ROBO2: variants seen among roughly 807,000 people sequenced by gnomAD.
ROBO2 encodes roundabout homolog 2.
In ROBO2, 53 loss-of-function variants were observed where a neutral mutation model predicts 160.8. The observed-to-expected ratio is 0.33, with a 90% confidence interval of 0.26 to 0.41. The LOEUF is 0.41. Ranked by LOEUF, ROBO2 falls within the 10% of genes least tolerant of loss-of-function variation. ROBO2 has a pLI of 1.00. For synonymous variants in ROBO2, 664 were observed against 611.7 expected (o/e 1.09, Z -1.26); for missense variants, 1,577 against 1,722.4 (o/e 0.92, Z 1.49).
intron 2 of ROBO2, among the ~76,000 whole-genome samples, chr3:77,136,860 C>T (rs2076320734): frequency 1.3e-5 from 2 of 152,086 alleles, no homozygotes; most frequent in African/African-American, 2.4e-5. Flanking sequence ...TGGTCTCGAT[C>T]TCCTGACCTT....
At chr3:76,399,540 CCT>C (rs1472547289) in intron 2 of ROBO2, among the ~76,000 whole-genome samples, 2 of 151,588 alleles carry the variant, frequency 1.3e-5, no homozygotes, top group African/African-American at 4.8e-5. Context: ...CTGAAACACC[CCT>C]GAGGTTTCTG....
chr3:77,648,496 T>C (rs1256213107), exon 26 of ROBO2: 1 of 152,204 alleles, frequency 6.6e-6, no homozygotes, highest in African/African-American at 2.4e-5. Flanking sequence ...TAAAATTATG[T>C]CAGTGCAGAG....
At chr3:76,453,739 A>T (rs1559972822) in intron 2 of ROBO2, among the ~76,000 whole-genome samples, 1 of 152,140 alleles carries the variant, frequency 6.6e-6, no homozygotes, top group South Asian at 2.1e-4. Context: ...GCACCTTTGT[A>T]TTTTAAAAAA....
chr3:76,687,601 A>T (rs1431534311), intron 2 of ROBO2, among the ~76,000 whole-genome samples: 3 of 152,046 alleles, frequency 2.0e-5, no homozygotes, highest in Non-Finnish European at 4.4e-5. Context: ...AGACATCCTT[A>T]TGTAACAGAA....
At position 77,515,415 on chromosome 3, in the gene ROBO2, A is replaced by G. The variant is rs149884643; in HGVS notation, c.807-7360A>G. Among the ~76,000 whole-genome samples the G allele has an allele frequency of 2.0e-5, 3 of 151,848 alleles. No individual in the cohort carries two copies. The East Asian group carries it at 5.9e-4, about 30-fold the overall frequency. On this transcript the variant is annotated intron_variant, in intron 5 of 25. Transcript: ENST00000461745. Reference sequence around the variant, plus strand: ...GAAAATTCAAATCTGTATGTTAAAAATGTCCACGTTTTAAATTATGTCAAT... The same window carrying G: ...GAAAATTCAAATCTGTATGTTAAAAGTGTCCACGTTTTAAATTATGTCAAT...
At chr3:76,359,721 T>G (rs1043844990) in intron 2 of ROBO2, among the ~76,000 whole-genome samples, 2 of 152,066 alleles carry the variant, frequency 1.3e-5, no homozygotes, top group African/African-American at 2.4e-5. Flanking sequence ...TATATGTCAT[T>G]TGATTCATAT....
At chr3:77,546,820 G>A (rs2153649655) in intron 7 of ROBO2, among the ~76,000 whole-genome samples, 1 of 152,156 alleles carries the variant, frequency 6.6e-6, no homozygotes, top group South Asian at 2.1e-4. Context: ...CAGGACATAT[G>A]CAGTACTTAG....
intron 2 of ROBO2, among the ~76,000 whole-genome samples, chr3:76,272,944 A>T (rs1559706494): frequency 7.3e-5 from 2 of 27,458 alleles, no homozygotes; most frequent in Non-Finnish European, 2.6e-4. Context: ...ATAAATATAT[A>T]AAATATATAA....
intron 2 of ROBO2, among the ~76,000 whole-genome samples, chr3:76,857,783 T>G (rs2070293674): frequency 6.6e-6 from 1 of 152,190 alleles, no homozygotes; most frequent in African/African-American, 2.4e-5. Context: ...TTTTAACAGC[T>G]TCTCACGGCT....
intron 2 of ROBO2, among the ~76,000 whole-genome samples, chr3:76,555,420 AGAAGGAGAAGGG>A (rs1179531044): frequency 5.8e-5 from 4 of 69,468 alleles, no homozygotes; most frequent in African/African-American, 1.8e-4. Context: ...AGAAGAAGAA[AGAAGGAGAAGGG>A]GAAGGGGAAG....
chr3:77,538,925 T>C (rs752716348), intron 6 of ROBO2: 4 of 460,586 alleles, frequency 8.7e-6, no homozygotes, highest in Non-Finnish European at 1.3e-5. Context: ...TTTTTTTTCT[T>C]CTTTTTAGAG....
chr3:77,069,799 A>C (rs903310543), intron 1 of ROBO2, among the ~76,000 whole-genome samples: 3 of 152,176 alleles, frequency 2.0e-5, no homozygotes, highest in Admixed American at 1.3e-4. Flanking sequence ...TATGCAAGCA[A>C]GAAATCAAGG....
At chr3:76,713,071 C>T (rs367938176) in intron 2 of ROBO2, among the ~76,000 whole-genome samples, 10 of 152,218 alleles carry the variant, frequency 6.6e-5, no homozygotes, top group South Asian at 2.1e-4. Context: ...TAAAAACTGA[C>T]GTTTTTCCAA....
intron 2 of ROBO2, among the ~76,000 whole-genome samples, chr3:76,958,064 T>C (rs1282696693): frequency 6.6e-6 from 1 of 152,226 alleles, no homozygotes; most frequent in Non-Finnish European, 1.5e-5. Flanking sequence ...GGGCGAAATA[T>C]GGCTCTTTCA....
chr3:76,595,368 T>C (rs143299947), intron 2 of ROBO2, among the ~76,000 whole-genome samples: 1 of 152,064 alleles, frequency 6.6e-6, no homozygotes, highest in Admixed American at 6.6e-5. Context: ...TTATATATTA[T>C]GTATTTTGTT....
chr3:76,592,743 G>A (rs1418809015), intron 2 of ROBO2, among the ~76,000 whole-genome samples: 1 of 151,894 alleles, frequency 6.6e-6, no homozygotes, highest in African/African-American at 2.4e-5. Flanking sequence ...TTCTACTCGG[G>A]GTGTTCAAAC....
chr3:76,951,670 T>C (rs1468203265), intron 2 of ROBO2, among the ~76,000 whole-genome samples: 1 of 152,182 alleles, frequency 6.6e-6, no homozygotes, highest in Non-Finnish European at 1.5e-5. Flanking sequence ...GTACGATATG[T>C]GTGTTGTATT....
chr3:76,605,843 T>C (rs2109014181), intron 2 of ROBO2, among the ~76,000 whole-genome samples: 1 of 152,266 alleles, frequency 6.6e-6, no homozygotes. Context: ...GAAAATACAC[T>C]TTGGAAGATT....
chr3:77,100,347 A>T (rs1302097106), intron 2 of ROBO2, among the ~76,000 whole-genome samples: 1 of 152,164 alleles, frequency 6.6e-6, no homozygotes, highest in African/African-American at 2.4e-5. Flanking sequence ...AGGCATCACA[A>T]GGTCAAATAA....
Sources: gnomAD v4.1 joint callset for allele counts (sites outside exome capture counted in the v4.1 genomes callset) on GRCh38, gnomAD v4.1.1 for gene constraint, MANE v1.5 for transcripts, NCBI Gene and HGNC (gene_info 2026-07-23, HGNC 2026-07-21) for gene names.